Variants in ZNF577 observed in about 807,000 individuals in gnomAD.
ZNF577 encodes zinc finger protein 577.
A neutral mutation model predicts 13.9 loss-of-function variants in ZNF577; 14 were observed. The ratio of observed to expected loss-of-function variants is 1.00; its 90% CI spans 0.66 to 1.57. The LOEUF is 1.57. Ranked by LOEUF, ZNF577 falls within the 40% of genes most tolerant of loss-of-function variation. The probability of loss-of-function intolerance (pLI) is 0.00; values close to 1 mark genes in which losing one functional copy is unlikely to be tolerated. For missense variants in ZNF577, 555 were observed against 579.2 expected (o/e 0.96, Z 0.43); for synonymous variants, 203 against 202.9 (o/e 1.00, Z 0.00).
At chr19:51,861,011 T>C (rs1388689385) in intron 5 of ZNF577, 1 of 411,210 alleles carries the variant, frequency 2.4e-6, no homozygotes, top group Non-Finnish European at 4.7e-6. Context: ...TGAGAATGAT[T>C]TATCATTTTC....
intron 6 of ZNF577, chr19:51,844,737 G>A (rs1294213239): frequency 4.6e-5 from 7 of 152,056 alleles, no homozygotes; most frequent in Admixed American, 1.3e-4. Flanking sequence ...AAATCTACTG[G>A]GAAGTAAATA....
intron 5 of ZNF577, among the ~76,000 whole-genome samples, chr19:51,859,335 G>C (rs1050384438): frequency 6.6e-6 from 1 of 152,070 alleles, no homozygotes; most frequent in Non-Finnish European, 1.5e-5. Flanking sequence ...TTGAGTACCT[G>C]TTTTCAATTC....
chr19:51,823,840 T>C lies in ZNF577; in HGVS notation c.*600-12166A>G, dbSNP rs532790458. The C allele has an allele frequency of 2.5e-5, 40 of 1,614,044 alleles. No individual in the cohort carries two copies. In the South Asian group the frequency reaches 4.3e-4, roughly 17 times the overall value. On this transcript the variant is annotated intron_variant and NMD_transcript_variant, in intron 9 of 10. Coordinates refer to the ZNF577 transcript ENST00000638827. ...ACCGTTCTGTGGATCTTCTCATTGC[T>C]AGTCCACGGAGTCACCTTTGTCTTC... is the stretch of plus-strand genomic sequence containing the variant.
intron 9 of ZNF577, among the ~76,000 whole-genome samples, chr19:51,813,020 G>A (rs1401544878): frequency 6.6e-6 from 1 of 151,904 alleles, no homozygotes; most frequent in Non-Finnish European, 1.5e-5. Flanking sequence ...TGGGGAGGCT[G>A]AGGTAAGGGA....
intron 5 of ZNF577, among the ~76,000 whole-genome samples, chr19:51,845,733 C>T (rs964108844): frequency 1.3e-5 from 2 of 152,178 alleles, no homozygotes; most frequent in African/African-American, 4.8e-5. Context: ...ATTTGTCTTT[C>T]TCTGTGAGGC....
chr19:51,849,706 TACC>T (rs1716356992), intron 5 of ZNF577, among the ~76,000 whole-genome samples: 1 of 152,224 alleles, frequency 6.6e-6, no homozygotes, highest in Non-Finnish European at 1.5e-5. Flanking sequence ...TCAAAAATGG[TACC>T]ACTTCTTCGA....
At position 51,869,573 on chromosome 19, in the gene ZNF577, AC is replaced by A. The variant is rs775842600; in HGVS notation, c.*2958del. 3.0e-4 allele frequency among the ~76,000 whole-genome samples: 46 copies of A among 152,092 alleles called. No individual in the cohort carries two copies. Among genetic ancestry groups the A allele is most frequent in the Non-Finnish European group, 5.1e-4 (35 of 67,974 alleles). ...GGTGCGGGTCCTCCATATGCTGAGC[AC>A]CGGTCCCCTGGGGCCACTGTTCTTT... On this transcript the variant is annotated 3_prime_UTR_variant, in exon 6 of 6. Coordinates refer to ENST00000638348, the MANE Select transcript of ZNF577 (RefSeq NM_001370449.1).
chr19:51,849,435 C>T (rs952103867), intron 5 of ZNF577, among the ~76,000 whole-genome samples: 1 of 152,094 alleles, frequency 6.6e-6, no homozygotes, highest in Non-Finnish European at 1.5e-5. Context: ...CATGAGAATT[C>T]TACTTTCATA....
intron 9 of ZNF577, among the ~76,000 whole-genome samples, chr19:51,818,360 A>G (rs2084159659): frequency 6.6e-6 from 1 of 152,250 alleles, no homozygotes; most frequent in South Asian, 2.1e-4. Context: ...CCTGAAAACT[A>G]TAAGACACAA....
chr19:51,849,190 AG>A (rs2084368445), intron 5 of ZNF577, among the ~76,000 whole-genome samples: 1 of 152,204 alleles, frequency 6.6e-6, no homozygotes, highest in South Asian at 2.1e-4. Context: ...CAATGGAGAA[AG>A]GGTAAGTTTA....
At chr19:51,812,847 G>T (rs548096449) in intron 9 of ZNF577, among the ~76,000 whole-genome samples, 2 of 152,254 alleles carry the variant, frequency 1.3e-5, no homozygotes, top group East Asian at 3.9e-4. Context: ...TAGGCCAGAC[G>T]TGGGGGCTCA....
intron 5 of ZNF577, 104 bp downstream of exon 5, chr19:51,877,178 A>T: frequency 2.2e-6 from 2 of 921,292 alleles, no homozygotes; most frequent in Non-Finnish European, 3.4e-6. Context: ...GCCACCAACT[A>T]CTGTGAAGTC....
At chr19:51,853,589 G>GT (rs775269469) in intron 5 of ZNF577, among the ~76,000 whole-genome samples, 2 of 152,182 alleles carry the variant, frequency 1.3e-5, no homozygotes, top group African/African-American at 2.4e-5. Flanking sequence ...TCAAGAACAG[G>GT]TAACTGTACG....
At chr19:51,844,240 A>G (rs1165267113) in intron 6 of ZNF577, among the ~76,000 whole-genome samples, 4 of 152,080 alleles carry the variant, frequency 2.6e-5, no homozygotes, top group East Asian at 1.9e-4. Context: ...AAGCACTATT[A>G]TGTTCTTTTT....
chr19:51,856,325 A>G (rs893993091), intron 5 of ZNF577, among the ~76,000 whole-genome samples: 3 of 152,238 alleles, frequency 2.0e-5, no homozygotes, highest in South Asian at 2.1e-4. Context: ...CTGTTTATCA[A>G]TATATAATAC....
At position 51,868,321 on chromosome 19, in the gene ZNF577, T is replaced by C. The variant is rs899784790; in HGVS notation, c.*4211A>G. ...CACCTACACACCTAAAAAAGTTTCA[T>C]CTGGGGTGTAAAAGGAGAAAGTCAG... On this transcript the variant is annotated 3_prime_UTR_variant, in exon 6 of 6. Coordinates refer to ENST00000638348, the MANE Select transcript of ZNF577 (RefSeq NM_001370449.1). Among the ~76,000 whole-genome samples, 1 of 152,132 alleles carries C rather than the reference T, an allele frequency of 6.6e-6. No homozygotes were observed. Among genetic ancestry groups the C allele is most frequent in the Non-Finnish European group, 1.5e-5 (1 of 68,026 alleles).
chr19:51,805,879 G>T (rs2084055662), intron 10 of ZNF577, among the ~76,000 whole-genome samples: 1 of 152,186 alleles, frequency 6.6e-6, no homozygotes, highest in Non-Finnish European at 1.5e-5. Context: ...TGCAAAGCAG[G>T]TGTGGCAGCC....
chr19:51,824,536 T>A lies in ZNF577; in HGVS notation c.*600-12862A>T, dbSNP rs1378893513. On this transcript the variant is annotated intron_variant and NMD_transcript_variant, in intron 9 of 10. Coordinates refer to the ZNF577 transcript ENST00000638827. The surrounding 1 kb of genome is among the most constrained non-coding windows in gnomAD (Gnocchi z 4.7). ...TTCCCTTATGAACTAATTGGCATTC[T>A]AATGGCAGTCTGGCTCAAAGAGATG... 1 of 1,614,162 alleles carries A rather than the reference T, an allele frequency of 6.2e-7. No individual in the cohort carries two copies. Among genetic ancestry groups the A allele is most frequent in the Non-Finnish European group, 8.5e-7 (1 of 1,179,988 alleles).
At chr19:51,838,893 A>C (rs2084303563) in intron 9 of ZNF577, among the ~76,000 whole-genome samples, 1 of 152,048 alleles carries the variant, frequency 6.6e-6, no homozygotes, top group African/African-American at 2.4e-5. Flanking sequence ...AAGTTTTCAA[A>C]TATGTACTCA....
Sources: gnomAD v4.1 joint callset for allele counts (sites outside exome capture counted in the v4.1 genomes callset) on GRCh38, gnomAD v4.1.1 for gene constraint, Gnocchi (gnomAD v3.1) non-coding constraint, MANE v1.5 for transcripts, NCBI Gene and HGNC (gene_info 2026-07-23, HGNC 2026-07-21) for gene names.